DUSP29: variants seen among roughly 807,000 people sequenced by gnomAD.
DUSP29 encodes atypical dual-specific protein phosphatase.
A neutral mutation model predicts 13.5 loss-of-function variants in DUSP29; 12 were observed. That is an observed-to-expected ratio of 0.89 (90% CI 0.57 to 1.44). The LOEUF is 1.44. DUSP29 is among the 40% of genes most tolerant of loss of function. The pLI is 0.00. For missense variants in DUSP29, 308 were observed against 301.1 expected (o/e 1.02, Z -0.17); for synonymous variants, 134 against 128.7 (o/e 1.04, Z -0.28).
intron 2 of DUSP29, among the ~76,000 whole-genome samples, chr10:75,046,546 A>T (rs1488481197): frequency 2.6e-5 from 4 of 152,204 alleles, no homozygotes; most frequent in Non-Finnish European, 5.9e-5. Context: ...TTTATTTGGC[A>T]TGAGAACCAT....
chr10:75,070,472 GAT>G (rs2134310009), intron 1 of DUSP29, among the ~76,000 whole-genome samples: 1 of 152,308 alleles, frequency 6.6e-6, no homozygotes, highest in African/African-American at 2.4e-5. Flanking sequence ...GTCAAATGGG[GAT>G]AACTTGCACC....
At chr10:75,070,400 T>C (rs1847305559) in intron 1 of DUSP29, among the ~76,000 whole-genome samples, 1 of 152,166 alleles carries the variant, frequency 6.6e-6, no homozygotes, top group Admixed American at 6.5e-5. Flanking sequence ...TCATGTAAAT[T>C]TGCAGCAAGC....
intron 1 of DUSP29, among the ~76,000 whole-genome samples, chr10:75,060,075 G>A (rs554711145): frequency 4.9e-4 from 74 of 151,886 alleles, no homozygotes; most frequent in Middle Eastern, 3.4e-3. Flanking sequence ...CAGGAGAATC[G>A]CTTGAACCTA....
chr10:75,064,096 G>A (rs1322408505), intron 1 of DUSP29, among the ~76,000 whole-genome samples: 2 of 151,990 alleles, frequency 1.3e-5, no homozygotes, highest in African/African-American at 2.4e-5. Flanking sequence ...ACCCAGGCTG[G>A]AGTGCAGTGG....
chr10:75,042,339 G>A (rs1846603554), intron 3 of DUSP29, among the ~76,000 whole-genome samples: 1 of 152,238 alleles, frequency 6.6e-6, no homozygotes, highest in Non-Finnish European at 1.5e-5. Context: ...TGGCAAGTGA[G>A]TGCATTAAAC....
intron 1 of DUSP29, among the ~76,000 whole-genome samples, chr10:75,072,322 A>G (rs546966853): frequency 3.3e-5 from 5 of 152,184 alleles, no homozygotes; most frequent in Non-Finnish European, 7.3e-5. Flanking sequence ...CCATGGGGTC[A>G]GAGCCCCACA....
chr10:75,044,056 C>T (rs1589857551), intron 2 of DUSP29, 39 bp from the exon 3 acceptor site: 1 of 1,578,912 alleles, frequency 6.3e-7, no homozygotes, highest in Admixed American at 1.8e-5. Flanking sequence ...CGCGCGGCGC[C>T]CTGCCCCGGG....
At chr10:75,065,234 C>T (rs943801529) in intron 1 of DUSP29, among the ~76,000 whole-genome samples, 1 of 152,146 alleles carries the variant, frequency 6.6e-6, no homozygotes, top group Non-Finnish European at 1.5e-5. Flanking sequence ...ATGGGAGAAG[C>T]GGCCTGGAGA....
chr10:75,038,859 CT>C (rs1481287323), intron 3 of DUSP29, among the ~76,000 whole-genome samples: 1 of 152,158 alleles, frequency 6.6e-6, no homozygotes, highest in Non-Finnish European at 1.5e-5. Context: ...TGGCTCACAC[CT>C]GTAATCCCAG....
chr10:75,061,419 G>A (rs1847085282), intron 1 of DUSP29, among the ~76,000 whole-genome samples: 1 of 152,088 alleles, frequency 6.6e-6, no homozygotes, highest in Non-Finnish European at 1.5e-5. Context: ...GCAGCAAAGG[G>A]GACCCTCCTG....
chr10:75,049,847 A>T (rs1846789758), intron 2 of DUSP29, among the ~76,000 whole-genome samples: 1 of 149,026 alleles, frequency 6.7e-6, no homozygotes, highest in Admixed American at 6.6e-5. Flanking sequence ...TCTGGTCAGA[A>T]GCAGAAAAGC....
At chr10:75,043,513 G>A (rs914964878) in intron 3 of DUSP29, among the ~76,000 whole-genome samples, 1 of 152,332 alleles carries the variant, frequency 6.6e-6, no homozygotes, top group East Asian at 1.9e-4. Context: ...CCAGCAGCAC[G>A]CTGGGTGGTG....
In DUSP29 at chr10:75,069,607, T is replaced by C. The variant is rs1432382428; in HGVS notation, c.-35+3962A>G. Among the ~76,000 whole-genome samples, 6 of 152,254 alleles carry C rather than the reference T, an allele frequency of 3.9e-5. No individual in the cohort carries two copies. In the East Asian group the frequency reaches 1.2e-3, roughly 29 times the overall value. On this transcript the variant is annotated intron_variant, in intron 1 of 3. Coordinates refer to ENST00000338487, the MANE Select transcript of DUSP29 (RefSeq NM_001003892.3). ...GCTACACAGAGGACGCTCTGGGCCT[T>C]GGGAAGGCGAGGGGCTAAGGCTGCC... is the stretch of plus-strand genomic sequence containing the variant.
At chr10:75,072,317 G>A (rs975263678) in intron 1 of DUSP29, among the ~76,000 whole-genome samples, 1 of 152,116 alleles carries the variant, frequency 6.6e-6, no homozygotes, top group African/African-American at 2.4e-5. Context: ...CACTGCCATG[G>A]GGTCAGAGCC....
chr10:75,073,173 G>T (rs1847371107), intron 1 of DUSP29, among the ~76,000 whole-genome samples: 1 of 151,946 alleles, frequency 6.6e-6, no homozygotes, highest in Non-Finnish European at 1.5e-5. Flanking sequence ...CCCTACACAG[G>T]ATCCGAGTCA....
chr10:75,044,524 T>C (rs1846663241), intron 2 of DUSP29, among the ~76,000 whole-genome samples: 1 of 152,166 alleles, frequency 6.6e-6, no homozygotes, highest in Admixed American at 6.5e-5. Flanking sequence ...CAAATTCACG[T>C]TGGCACGATG....
At chr10:75,061,420 G>A (rs939546042) in intron 1 of DUSP29, among the ~76,000 whole-genome samples, 2 of 152,134 alleles carry the variant, frequency 1.3e-5, no homozygotes, top group Non-Finnish European at 2.9e-5. Flanking sequence ...CAGCAAAGGG[G>A]ACCCTCCTGT....
At chr10:75,073,474 G>A (rs1425476921) in intron 1 of DUSP29, among the ~76,000 whole-genome samples, 95 bp downstream of exon 1, 2 of 152,210 alleles carry the variant, frequency 1.3e-5, no homozygotes, top group African/African-American at 4.8e-5. Context: ...ACCAGGAACA[G>A]GGTGGAAAAG....
chr10:75,039,862 G>A (rs1846547738), intron 3 of DUSP29, among the ~76,000 whole-genome samples: 1 of 152,184 alleles, frequency 6.6e-6, no homozygotes, highest in Non-Finnish European at 1.5e-5. Context: ...GGGCTGGAGG[G>A]AGATAGGGCA....
Sources: allele counts gnomAD v4.1 joint callset (sites outside exome capture counted in the v4.1 genomes callset), GRCh38; gene constraint gnomAD v4.1.1; transcripts MANE v1.5; gene names NCBI Gene and HGNC (gene_info 2026-07-23, HGNC 2026-07-21).